MCF2L: variants seen among roughly 807,000 people sequenced by gnomAD.
MCF2L encodes guanine nucleotide exchange factor DBS.
Under a neutral mutation model 153.4 loss-of-function variants are expected in MCF2L, and 97 were observed. The ratio of observed to expected loss-of-function variants is 0.63; its 90% CI spans 0.54 to 0.75. The LOEUF is 0.75. Ranked by LOEUF, MCF2L falls within the 30% of genes least tolerant of loss-of-function variation. The pLI is 0.00. For missense variants in MCF2L, 1,347 were observed against 1,495.2 expected (o/e 0.90, Z 1.64); for synonymous variants, 659 against 632.2 (o/e 1.04, Z -0.64).
intron 1 of MCF2L, among the ~76,000 whole-genome samples, chr13:112,986,568 G>A (rs571070627): frequency 5.3e-5 from 8 of 152,348 alleles, no homozygotes; most frequent in East Asian, 1.9e-4. Context: ...GGGAGACCAC[G>A]GGGTGTCTCT....
rs2035764922 is a variant in MCF2L, at chr13:113,097,735, A to C, written c.*876A>C. Reference sequence around the variant, plus strand: ...GATATTTTTATTGCTTTTAAAGAAAATACAAAGATGCAGTTTCTGCAGGGT... The same window carrying C: ...GATATTTTTATTGCTTTTAAAGAAACTACAAAGATGCAGTTTCTGCAGGGT... On this transcript the variant is annotated 3_prime_UTR_variant, in exon 30 of 30. Coordinates refer to ENST00000535094, the MANE Select transcript of MCF2L (RefSeq NM_001112732.3). 6.6e-6 allele frequency: 1 copy of C among 152,222 alleles called. No homozygotes were observed. The highest frequency in any genetic ancestry group is 1.5e-5 in the Non-Finnish European group (1 of 68,038). The allele number at this position is 152,222 out of a possible 1,614,324, so 9.4% of individuals were successfully genotyped here.
chr13:112,926,518 A>G (rs35071187), intron 2 of MCF2L, among the ~76,000 whole-genome samples: 40 of 97,298 alleles, frequency 4.1e-4, no homozygotes, highest in East Asian at 1.1e-3. Flanking sequence ...ACAGCGGAGT[A>G]CTGTACGGCC....
At chr13:112,950,089 T>C (rs1314511100) in intron 2 of MCF2L, among the ~76,000 whole-genome samples, 11 of 152,058 alleles carry the variant, frequency 7.2e-5, no homozygotes, top group Admixed American at 6.6e-4. Context: ...TTGTCTTTCT[T>C]TGTAGAGCAT....
chr13:112,917,210 C>G (rs149487183), intron 2 of MCF2L: 2 of 470,364 alleles, frequency 4.3e-6, no homozygotes, highest in Non-Finnish European at 8.8e-6. Context: ...GGGCACTGCA[C>G]CGCCCTGCCT....
At chr13:112,985,167 C>T in intron 1 of MCF2L, 1 of 321,048 alleles carries the variant, frequency 3.1e-6, no homozygotes, top group South Asian at 2.4e-5. Context: ...CCTGGACCTG[C>T]ATGTAAACAT....
chr13:112,964,599 T>C (rs1178115094), upstream of MCF2L, among the ~76,000 whole-genome samples: 1 of 152,258 alleles, frequency 6.6e-6, no homozygotes, highest in African/African-American at 2.4e-5. Context: ...AGATGTGAGA[T>C]AATGATTTGC....
rs1395160420 is a variant in MCF2L at position 113,089,728 on chromosome 13, G to A, written c.2953G>A (p.Gly985Ser). The change falls in exon 26 of 30, where the codon GGT (glycine) becomes AGT (serine). Residue 985 changes from glycine (G) to serine (S), a missense_variant and splice_region_variant. Coordinates refer to ENST00000535094, the MANE Select transcript of MCF2L (RefSeq NM_001112732.3). ...PLTKPPEKGK[G>S]WSKTSHSLEA... ...GACAAAGCCCCCCGAAAAGGGCAAA[G>A]GTGGGTATGTGCAGGGACCGGGCCT... The A allele has an allele frequency of 6.2e-7, 1 of 1,613,148 alleles. No homozygotes were observed. Among genetic ancestry groups the A allele is most frequent in the Non-Finnish European group, 8.5e-7 (1 of 1,179,538 alleles).
intron 2 of MCF2L, among the ~76,000 whole-genome samples, chr13:112,925,840 A>G (rs1351165766): frequency 1.3e-5 from 2 of 152,250 alleles, no homozygotes; most frequent in Non-Finnish European, 2.9e-5. Context: ...CGTTGATTAC[A>G]TTAAACGTAT....
chr13:113,067,222 C>T (rs1178595335), intron 8 of MCF2L, among the ~76,000 whole-genome samples: 1 of 151,600 alleles, frequency 6.6e-6, no homozygotes, highest in African/African-American at 2.4e-5. Flanking sequence ...AGGCAGAGGT[C>T]GCAGTGAGCC....
chr13:112,985,476 G>A (rs1193865359), intron 1 of MCF2L: 3 of 471,024 alleles, frequency 6.4e-6, no homozygotes, highest in Admixed American at 2.3e-5. Context: ...GTCCGTGGCT[G>A]AGGGTGAGTC....
rs911961515 is a variant in MCF2L at position 113,053,469 on chromosome 13, C to T, written c.370-7124C>T. Among the ~76,000 whole-genome samples, 4 of 152,178 alleles carry T rather than the reference C, an allele frequency of 2.6e-5. No homozygotes were observed. The highest frequency in any genetic ancestry group is 7.2e-5 in the African/African-American group (3 of 41,424). On this transcript the variant is annotated intron_variant, in intron 4 of 29. Transcript: ENST00000535094. The surrounding 1 kb of genome is among the most constrained non-coding windows in gnomAD (Gnocchi z 4.4). ...TGGTGGGTGAGCTTCTGGGGCAGCC[C>T]GTGGAGGCCCAGGATGTCCATGTGT...
intron 2 of MCF2L, among the ~76,000 whole-genome samples, chr13:112,948,379 C>G (rs2081658546): frequency 6.6e-6 from 1 of 152,150 alleles, no homozygotes; most frequent in Non-Finnish European, 1.5e-5. Flanking sequence ...AAATAATTTT[C>G]TGTTCTCAAA....
intron 21 of MCF2L, 71 bp from the exon 22 acceptor site, chr13:113,087,164 C>T: frequency 7.4e-7 from 1 of 1,348,210 alleles, no homozygotes; most frequent in Non-Finnish European, 1.0e-6. Flanking sequence ...TGGCTGCTTT[C>T]ACTCAGCGAT....
At chr13:112,919,616 C>A (rs1193891805) in intron 2 of MCF2L, among the ~76,000 whole-genome samples, 4 of 152,068 alleles carry the variant, frequency 2.6e-5, no homozygotes, top group Non-Finnish European at 5.9e-5. Context: ...AAATAGAAAG[C>A]ACATAAAGCC....
intron 3 of MCF2L, 129 bp downstream of exon 3, chr13:113,024,887 C>T: frequency 1.4e-6 from 1 of 737,762 alleles, no homozygotes; most frequent in Non-Finnish European, 2.3e-6. Context: ...TCATGGGGTC[C>T]CCGTGACTGT....
chr13:113,071,577 T>C (rs2032923227), intron 9 of MCF2L, among the ~76,000 whole-genome samples: 1 of 152,216 alleles, frequency 6.6e-6, no homozygotes, highest in Admixed American at 6.5e-5. Flanking sequence ...AGATCATGAT[T>C]TGTTTTACCT....
At chr13:112,977,923 A>G (rs1468772672) in intron 1 of MCF2L, among the ~76,000 whole-genome samples, 2 of 152,100 alleles carry the variant, frequency 1.3e-5, no homozygotes, top group African/African-American at 4.8e-5. Flanking sequence ...AAAATACAAA[A>G]ATTAGCCGGG....
intron 1 of MCF2L, among the ~76,000 whole-genome samples, chr13:112,900,953 G>A (rs889403549): frequency 5.3e-5 from 8 of 152,114 alleles, no homozygotes; most frequent in Non-Finnish European, 1.0e-4. Context: ...AATGAAAGGG[G>A]GAGATGTCCC....
chr13:113,085,225 C>G, intron 20 of MCF2L, 47 bp downstream of exon 20: 2 of 1,557,428 alleles, frequency 1.3e-6, no homozygotes, highest in Non-Finnish European at 1.8e-6. Flanking sequence ...CACCTGCTGG[C>G]CAGGTGTCTG....
Sources: allele counts gnomAD v4.1 joint callset (sites outside exome capture counted in the v4.1 genomes callset), GRCh38; gene constraint gnomAD v4.1.1; non-coding constraint Gnocchi (gnomAD v3.1); transcripts MANE v1.5; gene names NCBI Gene and HGNC (gene_info 2026-07-23, HGNC 2026-07-21).